Variants in SPAG9 observed in about 807,000 individuals in gnomAD.
The protein encoded by SPAG9 is sperm associated antigen 9, also known as C-Jun-amino-terminal kinase-interacting protein 4.
SPAG9 carries 35 observed loss-of-function variants against 166.5 expected under a neutral mutation model. That is an observed-to-expected ratio of 0.21 (90% CI 0.16 to 0.28). SPAG9 has a LOEUF of 0.28. Ranked by LOEUF, SPAG9 falls within the 10% of genes least tolerant of loss-of-function variation. The pLI is 1.00. For synonymous variants in SPAG9, 534 were observed against 565.5 expected, an observed-to-expected ratio of 0.94 and a Z score of 0.79; for missense variants, 1,235 against 1,603.3, an observed-to-expected ratio of 0.77 and a Z score of 3.92.
intron 11 of SPAG9, among the ~76,000 whole-genome samples, chr17:51,005,466 TA>T (rs943298826): frequency 6.6e-6 from 1 of 152,198 alleles, no homozygotes; most frequent in African/African-American, 2.4e-5. Flanking sequence ...GAAAGTGGGA[TA>T]AAAAAATAAT....
At chr17:51,057,915 A>T (rs968420861) in intron 2 of SPAG9, among the ~76,000 whole-genome samples, 4 of 152,244 alleles carry the variant, frequency 2.6e-5, no homozygotes, top group African/African-American at 9.6e-5. Flanking sequence ...AATAAAATTT[A>T]ATTCTATGAT....
intron 23 of SPAG9, 116 bp from the exon 24 acceptor site, chr17:50,985,106 T>A: frequency 2.6e-6 from 2 of 782,072 alleles, no homozygotes; most frequent in Non-Finnish European, 2.2e-6. Context: ...GTTAAGGAGC[T>A]GACACCTGAA....
intron 28 of SPAG9, among the ~76,000 whole-genome samples, chr17:50,973,106 T>C (rs1973946967): frequency 6.6e-6 from 1 of 152,250 alleles, no homozygotes; most frequent in South Asian, 2.1e-4. Flanking sequence ...TAGATTTTTA[T>C]GTATGAACAT....
chr17:50,973,700 G>C (rs1287676898), intron 28 of SPAG9, among the ~76,000 whole-genome samples: 1 of 152,194 alleles, frequency 6.6e-6, no homozygotes, highest in African/African-American at 2.4e-5. Flanking sequence ...AACAGACTTT[G>C]AGTAAAGCAG....
rs2048023852 is a variant in SPAG9, at chr17:51,077,061, T to TATCTAG, written c.424+2522_424+2523insCTAGAT. Among the ~76,000 whole-genome samples the TATCTAG allele has an allele frequency of 1.1e-4, 12 of 109,656 alleles. No individual in the cohort carries two copies. The East Asian group carries it at 1.3e-3, about 12-fold the overall frequency. 71.9% of individuals were successfully genotyped at this position (109,656 alleles called of 152,430 possible). On this transcript the variant is annotated intron_variant, in intron 2 of 29. Transcript: ENST00000262013. ...AGCTATCTAGCTATCTAGCTAGCTA[T>TATCTAG]CTAGCTAGCTATCTAGCTATCTAGC...
chr17:51,104,805 C>T (rs1013988430), intron 1 of SPAG9, among the ~76,000 whole-genome samples: 31 of 151,100 alleles, frequency 2.1e-4, no homozygotes, highest in African/African-American at 7.3e-4. Flanking sequence ...TGGTAGCGGG[C>T]GCCTGTAGTC....
At position 50,987,332 on chromosome 17, in the gene SPAG9, T is replaced by C. The variant is rs1057049586; in HGVS notation, c.2814-95A>G. 7.9e-6 allele frequency: 9 copies of C among 1,134,856 alleles called. No homozygotes were observed. The African/African-American group carries it at 1.3e-4, about 17-fold the overall frequency. 70.3% of individuals were successfully genotyped at this position (1,134,856 alleles called of 1,614,324 possible). Reference sequence around the variant, plus strand: ...ATCCTTCTATATTTAAGTTTGTTCATTTGTTTATTATTTATTTATTTTTTA... The same window carrying C: ...ATCCTTCTATATTTAAGTTTGTTCACTTGTTTATTATTTATTTATTTTTTA... On this transcript the variant is annotated intron_variant, in intron 21 of 29. Coordinates refer to ENST00000262013, the MANE Select transcript of SPAG9 (RefSeq NM_001130528.3).
intron 2 of SPAG9, among the ~76,000 whole-genome samples, chr17:51,060,131 T>G (rs147127768): frequency 1.3e-5 from 2 of 152,178 alleles, no homozygotes; most frequent in East Asian, 3.9e-4. Context: ...TGGACTGAAT[T>G]GTGCTCCCTC....
intron 2 of SPAG9, among the ~76,000 whole-genome samples, chr17:51,059,391 A>C (rs2047442847): frequency 6.6e-6 from 1 of 152,126 alleles, no homozygotes; most frequent in African/African-American, 2.4e-5. Flanking sequence ...CAAACTATTC[A>C]GAACCATAAC....
At chr17:51,031,796 C>T in intron 5 of SPAG9, 74 bp from the exon 6 acceptor site, 2 of 1,035,804 alleles carry the variant, frequency 1.9e-6, no homozygotes, top group Non-Finnish European at 2.9e-6. Flanking sequence ...GTAACTTTGG[C>T]TTGTACTATC....
rs1268653320 is a variant in SPAG9 at position 51,066,573 on chromosome 17, A to AAAAAAAAG, written c.425-10092_425-10091insCTTTTTTT. Among the ~76,000 whole-genome samples, 2 of 149,718 alleles carry AAAAAAAAG rather than the reference A, an allele frequency of 1.3e-5. 1 individual carries two copies. The highest frequency in any genetic ancestry group is 4.9e-5 in the African/African-American group (2 of 40,622). ...CTGTCTCAAAAAAAAAAAAGAAAAA[A>AAAAAAAAG]AAAAAAAAGACCATGGCTCACGCCT... On this transcript the variant is annotated intron_variant, in intron 2 of 29. Transcript: ENST00000262013.
chr17:51,077,069 GCTATCTAGCTATCTAGCTAGCTAT>G (rs1361386663), intron 2 of SPAG9, among the ~76,000 whole-genome samples: 4,950 of 119,664 alleles, frequency 0.041, 141 homozygotes, highest in African/African-American at 0.055. Flanking sequence ...TATCTAGCTA[GCTATCTAGCTATCTAGCTAGCTAT>G]CTATCTAGCT....
At chr17:51,007,138 TGC>T in intron 10 of SPAG9, 129 bp downstream of exon 10, 1 of 521,532 alleles carries the variant, frequency 1.9e-6, no homozygotes, top group South Asian at 2.6e-5. Context: ...TGTGTGTGTG[TGC>T]ACACTCAGAG....
Position 50,965,918 on chromosome 17 carries a change from A to AGTG in SPAG9, c.*353_*354insCAC, listed in dbSNP as rs1973335303. ...TTATCAAGTGTTTCCCATTAATTCC[A>AGTG]TTATTAGTGACAGCTAACAAGTGAC... On this transcript the variant is annotated 3_prime_UTR_variant, in exon 30 of 30. Transcript: ENST00000262013. 5.0e-6 allele frequency: 1 copy of AGTG among 200,612 alleles called. No individual in the cohort carries two copies. Among genetic ancestry groups the AGTG allele is most frequent in the Non-Finnish European group, 1.1e-5 (1 of 94,804 alleles). The allele number at this position is 200,612 out of a possible 1,614,324, so 12.4% of individuals were successfully genotyped here.
intron 8 of SPAG9, among the ~76,000 whole-genome samples, chr17:51,016,651 G>A (rs1389501900): frequency 6.6e-6 from 1 of 152,280 alleles, no homozygotes; most frequent in Non-Finnish European, 1.5e-5. Context: ...GCTCACGCCT[G>A]TAATCCCAGC....
chr17:51,030,229 A>G (rs1049434416), intron 6 of SPAG9, among the ~76,000 whole-genome samples: 2 of 152,214 alleles, frequency 1.3e-5, no homozygotes, highest in African/African-American at 4.8e-5. Context: ...ACTATAAACT[A>G]TGTTTACAAC....
At chr17:51,035,730 ACT>A (rs759288957) in intron 5 of SPAG9, among the ~76,000 whole-genome samples, 2 of 152,210 alleles carry the variant, frequency 1.3e-5, no homozygotes, top group South Asian at 2.1e-4. Context: ...TTTTATGAGA[ACT>A]CTCTAAAATT....
intron 2 of SPAG9, among the ~76,000 whole-genome samples, chr17:51,078,415 G>C (rs2048073866): frequency 6.6e-6 from 1 of 152,166 alleles, no homozygotes; most frequent in South Asian, 2.1e-4. Flanking sequence ...CAAGAGTGCT[G>C]GCGAAGGCAT....
At chr17:51,070,207 T>C (rs1427510817) in intron 2 of SPAG9, among the ~76,000 whole-genome samples, 1 of 152,092 alleles carries the variant, frequency 6.6e-6, no homozygotes, top group African/African-American at 2.4e-5. Context: ...GGCTCTATAC[T>C]CAGGGAAGAA....
Sources: allele counts gnomAD v4.1 joint callset (sites outside exome capture counted in the v4.1 genomes callset), GRCh38; gene constraint gnomAD v4.1.1; transcripts MANE v1.5; gene names NCBI Gene and HGNC (gene_info 2026-07-23, HGNC 2026-07-21).